The following GABRR1 variants were observed in gnomAD, a reference collection of about 807,000 sequenced individuals.
The protein encoded by GABRR1 is gamma-aminobutyric acid receptor subunit rho-1.
A neutral mutation model predicts 55.5 loss-of-function variants in GABRR1; 59 were observed. That is an observed-to-expected ratio of 1.06 (90% CI 0.86 to 1.32). The LOEUF (loss-of-function observed/expected upper bound fraction) is 1.32. GABRR1 is among the 40% of genes most tolerant of loss of function. GABRR1 has a pLI of 0.00. For missense variants in GABRR1, 602 were observed against 619.1 expected (o/e 0.97, Z 0.29); for synonymous variants, 213 against 226.0 (o/e 0.94, Z 0.51).
intron 7 of GABRR1, among the ~76,000 whole-genome samples, chr6:89,184,163 C>A (rs749920291): frequency 7.3e-5 from 11 of 151,494 alleles, no homozygotes; most frequent in Non-Finnish European, 1.5e-4. Flanking sequence ...TTGCTTGAAC[C>A]CAGGAGGCAG....
chr6:89,200,776 CT>C (rs1772445564), intron 3 of GABRR1, among the ~76,000 whole-genome samples: 1 of 152,152 alleles, frequency 6.6e-6, no homozygotes, highest in Non-Finnish European at 1.5e-5. Context: ...ATACCCTGAA[CT>C]CTGTCTGCCA....
chr6:89,217,954 T>A (rs191647391), upstream of GABRR1, among the ~76,000 whole-genome samples: 146 of 152,296 alleles, frequency 9.6e-4, no homozygotes, highest in African/African-American at 3.5e-3. Flanking sequence ...TAAATTTCCT[T>A]GTCAGTTGCA....
intron 2 of GABRR1, among the ~76,000 whole-genome samples, chr6:89,201,704 A>G (rs181729252): frequency 0.017 from 2,537 of 151,530 alleles, 63 homozygotes; most frequent in African/African-American, 0.053. Context: ...GTGTGAACCC[A>G]GGAGGCAGAG....
intron 6 of GABRR1, among the ~76,000 whole-genome samples, chr6:89,189,584 C>T (rs1227715454): frequency 2.8e-5 from 4 of 143,524 alleles, no homozygotes; most frequent in East Asian, 4.1e-4. Flanking sequence ...GTGGGTGCAG[C>T]GCACCAGCAT....
intron 6 of GABRR1, among the ~76,000 whole-genome samples, chr6:89,185,856 G>A (rs569193598): frequency 6.9e-4 from 105 of 152,214 alleles, no homozygotes; most frequent in African/African-American, 2.5e-3. Context: ...TCAAAGTGTG[G>A]CGACTCATCA....
intron 5 of GABRR1, among the ~76,000 whole-genome samples, chr6:89,196,028 A>G (rs1772262342): frequency 6.6e-6 from 1 of 152,216 alleles, no homozygotes; most frequent in African/African-American, 2.4e-5. Flanking sequence ...ATATTTCAGT[A>G]TTTGAAAGCT....
intron 5 of GABRR1, among the ~76,000 whole-genome samples, chr6:89,190,490 T>C (rs1339813857): frequency 6.6e-6 from 1 of 152,190 alleles, no homozygotes; most frequent in East Asian, 1.9e-4. Flanking sequence ...CTAACTCTTA[T>C]CACATTCAAG....
rs1220135213 is a variant in GABRR1 at position 89,212,274 on chromosome 6, C to A, written c.122+4927G>T. On this transcript the variant is annotated intron_variant, in intron 1 of 9. Coordinates refer to ENST00000454853, the MANE Select transcript of GABRR1 (RefSeq NM_002042.5). ...AAAGCTCTCATATTCATTCCTCCCC[C>A]ATCCCCATCCTGTTCATTCCACTAT... 2 of 180,194 alleles carry A rather than the reference C, an allele frequency of 1.1e-5. 1 individual carries two copies. The highest frequency in any genetic ancestry group is 1.7e-5 in the Non-Finnish European group (2 of 114,752). The allele number at this position is 180,194 out of a possible 1,614,324, so 11.2% of individuals were successfully genotyped here. A position where few individuals can be genotyped will look rare whatever the true frequency, so the allele number is the denominator to read the frequency against.
chr6:89,205,274 G>C (rs1449190171), intron 1 of GABRR1, among the ~76,000 whole-genome samples: 2 of 152,182 alleles, frequency 1.3e-5, no homozygotes, highest in Non-Finnish European at 2.9e-5. Flanking sequence ...GCATCACGTT[G>C]GAAGATTTGC....
At chr6:89,208,012 C>T (rs375413819) in intron 1 of GABRR1, among the ~76,000 whole-genome samples, 65 of 152,296 alleles carry the variant, frequency 4.3e-4, no homozygotes, top group African/African-American at 1.5e-3. Context: ...GAGATGGCTT[C>T]GAAACCTTTC....
At chr6:89,187,230 T>TGC (rs1771933310) in intron 6 of GABRR1, among the ~76,000 whole-genome samples, 1 of 151,740 alleles carries the variant, frequency 6.6e-6, no homozygotes, top group African/African-American at 2.4e-5. Context: ...TGTGTGTGTG[T>TGC]TGTGTTGTGT....
chr6:89,219,777 A>G (rs1231166734), upstream of GABRR1, among the ~76,000 whole-genome samples: 1 of 152,206 alleles, frequency 6.6e-6, no homozygotes, highest in Non-Finnish European at 1.5e-5. Flanking sequence ...ATCTCTATAA[A>G]TCAAGCCCTT....
intron 1 of GABRR1, among the ~76,000 whole-genome samples, chr6:89,228,564 G>A (rs1773232582): frequency 9.7e-6 from 1 of 103,332 alleles, no homozygotes; most frequent in Non-Finnish European, 2.0e-5. Flanking sequence ...TTTCCATGTA[G>A]TTGAGCGGCT....
At chr6:89,196,822 GGAAAGAAA>G (rs59446411) in intron 5 of GABRR1, among the ~76,000 whole-genome samples, 1,821 of 91,074 alleles carry the variant, frequency 0.02, 19 homozygotes, top group African/African-American at 0.038. Context: ...AAGAAAAGAA[GGAAAGAAA>G]GAAAGAAAGA....
In GABRR1 at chr6:89,190,238, T is replaced by C. The variant is rs145244430; in HGVS notation, c.582A>G (p.Val194=). The C allele has an allele frequency of 2.1e-4, 335 of 1,606,774 alleles. No individual in the cohort carries two copies. The African/African-American group carries it at 3.8e-3, about 18-fold the overall frequency. The change falls in exon 6 of 10, where the codon GTA becomes GTG. Residue 194 remains valine, a synonymous_variant. Coordinates refer to ENST00000454853, the MANE Select transcript of GABRR1 (RefSeq NM_002042.5). The part of the protein sequence containing the change: ...GKVLYSLRVT[V]TAMCNMDFSR... Reference sequence around the variant, plus strand: ...TGAAGTCCATGTTGCACATTGCAGTTACTGTAACCCTAGGGCCAAAAAGAC... The same window carrying C: ...TGAAGTCCATGTTGCACATTGCAGTCACTGTAACCCTAGGGCCAAAAAGAC...
chr6:89,220,408 G>A (rs1288848477), upstream of GABRR1, among the ~76,000 whole-genome samples: 3 of 152,198 alleles, frequency 2.0e-5, no homozygotes, highest in East Asian at 5.8e-4. Flanking sequence ...AGAACCTTGA[G>A]GGGAGGGGCC....
At chr6:89,190,765 T>C (rs1772061986) in intron 5 of GABRR1, among the ~76,000 whole-genome samples, 1 of 152,250 alleles carries the variant, frequency 6.6e-6, no homozygotes, top group Admixed American at 6.5e-5. Flanking sequence ...AGTGGGCATA[T>C]GTGTTGTTAG....
At chr6:89,213,069 G>A (rs564184062) in intron 1 of GABRR1, among the ~76,000 whole-genome samples, 6 of 152,134 alleles carry the variant, frequency 3.9e-5, no homozygotes, top group Non-Finnish European at 7.4e-5. Context: ...ATCTGGATGT[G>A]CCTCCCATGG....
intron 1 of GABRR1, among the ~76,000 whole-genome samples, chr6:89,211,655 C>T (rs933259310): frequency 2.0e-5 from 3 of 152,124 alleles, no homozygotes; most frequent in South Asian, 4.2e-4. Context: ...CCTTCCTAGT[C>T]GGAAGGTCTC....
Sources: allele counts gnomAD v4.1 joint callset (sites outside exome capture counted in the v4.1 genomes callset), GRCh38; gene constraint gnomAD v4.1.1; transcripts MANE v1.5; gene names NCBI Gene and HGNC (gene_info 2026-07-23, HGNC 2026-07-21).